The following SEL1L2 variants were observed in gnomAD, a reference collection of about 807,000 sequenced individuals.
SEL1L2 encodes protein sel-1 homolog 2.
A neutral mutation model predicts 98.8 loss-of-function variants in SEL1L2; 89 were observed. The observed-to-expected ratio is 0.90, with a 90% confidence interval of 0.76 to 1.07. The LOEUF (loss-of-function observed/expected upper bound fraction) is 1.07, where lower values mean the gene tolerates loss of function less well. Ranked by LOEUF, SEL1L2 falls within the 50% of genes least tolerant of loss-of-function variation. The pLI, the probability that SEL1L2 is intolerant of heterozygous loss-of-function variation, is 0.00. For missense variants in SEL1L2, 788 were observed against 812.0 expected, an observed-to-expected ratio of 0.97 and a Z score of 0.36; for synonymous variants, 262 against 278.5, an observed-to-expected ratio of 0.94 and a Z score of 0.59.
intron 3 of SEL1L2, among the ~76,000 whole-genome samples, chr20:13,921,306 G>C (rs1600756199): frequency 6.6e-6 from 1 of 152,228 alleles, no homozygotes; most frequent in Non-Finnish European, 1.5e-5. Context: ...CGAGTAGCTG[G>C]GACTACAGGT....
chr20:13,952,250 A>C (rs2050310120), intron 2 of SEL1L2, among the ~76,000 whole-genome samples: 1 of 152,190 alleles, frequency 6.6e-6, no homozygotes, highest in Non-Finnish European at 1.5e-5. Context: ...TTCAGGTCAA[A>C]GCCCTAGGAA....
intron 1 of SEL1L2, among the ~76,000 whole-genome samples, chr20:13,969,330 CT>C: frequency 6.6e-6 from 1 of 152,314 alleles, no homozygotes; most frequent in South Asian, 2.1e-4. Flanking sequence ...TCATCACTTT[CT>C]CAAGCTCCAA....
At chr20:13,989,941 T>C (rs1281104948) in intron 1 of SEL1L2, among the ~76,000 whole-genome samples, 1 of 152,130 alleles carries the variant, frequency 6.6e-6, no homozygotes, top group Non-Finnish European at 1.5e-5. Flanking sequence ...GCACATTATA[T>C]GAGGATTGGG....
chr20:13,849,342 T>C lies in SEL1L2; in HGVS notation c.*143A>G. On this transcript the variant is annotated 3_prime_UTR_variant, in exon 20 of 20. Transcript: ENST00000284951. The stretch of plus-strand genomic sequence containing the variant: ...GTCTGAAGTTGTTTCTCTAGGATGG[T>C]CCCCAAGTCTTGTCTGTTTCCCATC... 1 of 1,051,114 alleles carries C rather than the reference T, an allele frequency of 9.5e-7. No homozygotes were observed. The highest frequency in any genetic ancestry group is 2.4e-5 in the East Asian group (1 of 40,906). The allele number at this position is 1,051,114 out of a possible 1,614,324, so 65.1% of individuals were successfully genotyped here.
intron 1 of SEL1L2, among the ~76,000 whole-genome samples, chr20:13,970,330 A>G (rs1455011739): frequency 1.3e-5 from 2 of 152,166 alleles, no homozygotes; most frequent in African/African-American, 4.8e-5. Flanking sequence ...GTTTTTAATT[A>G]TTTTGCCATG....
At chr20:13,920,739 C>T (rs1034612217) in intron 3 of SEL1L2, among the ~76,000 whole-genome samples, 1 of 152,122 alleles carries the variant, frequency 6.6e-6, no homozygotes, top group Non-Finnish European at 1.5e-5. Context: ...TTAACAAGAC[C>T]ACAAAGAACA....
In SEL1L2 at chr20:13,877,503, C is replaced by A; in HGVS notation, c.1026+17G>T. 6.3e-7 allele frequency: 1 copy of A among 1,589,086 alleles called. No homozygotes were observed. Among genetic ancestry groups the A allele is most frequent in the South Asian group, 1.1e-5 (1 of 90,118 alleles). On this transcript the variant is annotated intron_variant, in intron 11 of 19. Transcript: ENST00000284951. ...TTTTTAATAAATGAAAACAATGAAT[C>A]AAGATGAAGCATGTACCTTTCCTAT...
intron 7 of SEL1L2, 41 bp from the exon 8 acceptor site, chr20:13,887,891 G>T: frequency 6.2e-7 from 1 of 1,601,972 alleles, no homozygotes; most frequent in Non-Finnish European, 8.6e-7. Flanking sequence ...TCAAGACAAT[G>T]CTGTATTTAT....
At chr20:13,941,912 AATCAAAGAC>A (rs1218274280) in intron 2 of SEL1L2, among the ~76,000 whole-genome samples, 1 of 152,184 alleles carries the variant, frequency 6.6e-6, no homozygotes, top group African/African-American at 2.4e-5. Flanking sequence ...AGGGCTCAAC[AATCAAAGAC>A]ATTTCTTGTT....
In SEL1L2 at chr20:13,887,969, T is replaced by C. The variant is rs1221898695; in HGVS notation, c.636A>G (p.Gly212=). The C allele has an allele frequency of 6.2e-7, 1 of 1,613,792 alleles. No individual in the cohort carries two copies. The highest frequency in any genetic ancestry group is 1.3e-5 in the African/African-American group (1 of 75,036). ...ALIYYTFGSA[G]GNMMSQMILG... is the part of the protein sequence containing the mutation. ...AAATCATCTGGGACATCATGTTTCC[T>C]CCAGCACTTCCAAAGGTGTAATATA... The change falls in exon 7 of 20, where the codon GGA becomes GGG. Residue 212 remains glycine, a synonymous_variant. Coordinates refer to ENST00000284951, the MANE Select transcript of SEL1L2 (RefSeq NM_025229.2).
intron 18 of SEL1L2, among the ~76,000 whole-genome samples, chr20:13,854,480 A>G (rs558435043): frequency 6.6e-6 from 1 of 152,294 alleles, no homozygotes; most frequent in South Asian, 2.1e-4. Context: ...TAAAGAGGTA[A>G]TCTTTAACAT....
At chr20:13,889,441 A>T (rs2047108185) in intron 5 of SEL1L2, among the ~76,000 whole-genome samples, 1 of 152,204 alleles carries the variant, frequency 6.6e-6, no homozygotes, top group South Asian at 2.1e-4. Flanking sequence ...TAGCAATAAA[A>T]CCAAGGGCCC....
intron 1 of SEL1L2, among the ~76,000 whole-genome samples, chr20:13,983,504 G>A (rs1355325052): frequency 6.6e-6 from 1 of 151,760 alleles, no homozygotes; most frequent in African/African-American, 2.4e-5. Context: ...ACTAGCTTTT[G>A]TTTTTTGTTT....
intron 1 of SEL1L2, among the ~76,000 whole-genome samples, chr20:13,966,217 T>C (rs1275716259): frequency 6.6e-6 from 1 of 152,162 alleles, no homozygotes; most frequent in Non-Finnish European, 1.5e-5. Context: ...AGGTTCTTTA[T>C]TAGTTTAATT....
chr20:13,877,458 G>T, intron 11 of SEL1L2, 62 bp downstream of exon 11: 1 of 1,321,290 alleles, frequency 7.6e-7, no homozygotes, highest in Non-Finnish European at 1.1e-6. Context: ...ACGCTGCTAT[G>T]CCCAGTTTAA....
chr20:13,915,212 C>G (rs990629594), intron 4 of SEL1L2: 2 of 1,289,446 alleles, frequency 1.6e-6, no homozygotes, highest in Admixed American at 4.6e-5. Context: ...GGACCTCAGA[C>G]AGAGAAACAT....
At chr20:13,869,630 A>G in intron 13 of SEL1L2, 40 bp from the exon 14 acceptor site, 2 of 1,504,618 alleles carry the variant, frequency 1.3e-6, no homozygotes, top group Non-Finnish European at 1.9e-6. Flanking sequence ...AGGCACAAGT[A>G]AAACTCCATG....
chr20:13,897,137 T>C (rs1229640559), intron 5 of SEL1L2, among the ~76,000 whole-genome samples: 2 of 152,174 alleles, frequency 1.3e-5, no homozygotes, highest in Non-Finnish European at 2.9e-5. Flanking sequence ...TTGACAAGGA[T>C]GACAAGGCTG....
intron 3 of SEL1L2, among the ~76,000 whole-genome samples, chr20:13,922,753 A>C (rs1475987158): frequency 6.6e-6 from 1 of 152,178 alleles, no homozygotes; most frequent in Non-Finnish European, 1.5e-5. Context: ...TTGTGATGTA[A>C]ATATAACTTG....
Sources: allele counts gnomAD v4.1 joint callset (sites outside exome capture counted in the v4.1 genomes callset), GRCh38; gene constraint gnomAD v4.1.1; transcripts MANE v1.5; gene names NCBI Gene and HGNC (gene_info 2026-07-23, HGNC 2026-07-21).